SEMA6D: variants seen among roughly 807,000 people sequenced by gnomAD.
SEMA6D encodes the protein semaphorin 6D, also known as semaphorin-6D.
A neutral mutation model predicts 106.6 loss-of-function variants in SEMA6D; 35 were observed. That is an observed-to-expected ratio of 0.33 (90% CI 0.25 to 0.44). The LOEUF is 0.44. Among genes scored for constraint, SEMA6D ranks in the 20% least tolerant of loss-of-function variants. The pLI is 1.00. For synonymous variants in SEMA6D, 499 were observed against 487.7 expected (o/e 1.02, Z -0.31); for missense variants, 1,185 against 1,345.9 (o/e 0.88, Z 1.87).
intron 3 of SEMA6D, among the ~76,000 whole-genome samples, chr15:47,551,839 C>G (rs1217133577): frequency 1.3e-5 from 2 of 152,062 alleles, no homozygotes; most frequent in Non-Finnish European, 2.9e-5. Context: ...TGAAACCATA[C>G]AAATAAACAT....
intron 4 of SEMA6D, among the ~76,000 whole-genome samples, chr15:47,658,297 G>T (rs765974575): frequency 6.6e-6 from 1 of 152,012 alleles, no homozygotes; most frequent in Non-Finnish European, 1.5e-5. Flanking sequence ...AACTATTCTT[G>T]CTTTCCTGGG....
In SEMA6D at chr15:47,694,630, G is replaced by A. The variant is rs573554953; in HGVS notation, c.-54-65115G>A. Among the ~76,000 whole-genome samples, 6 of 152,120 alleles carry A rather than the reference G, an allele frequency of 3.9e-5. No individual in the cohort carries two copies. The East Asian group carries it at 1.2e-3, about 30-fold the overall frequency. On this transcript the variant is annotated intron_variant, in intron 4 of 19. Coordinates refer to the SEMA6D transcript ENST00000558014. ...AGGTTTACAGGCCTGTGGCTTAGCT[G>A]TGTATTCATTCACCTGATACAAATA...
chr15:47,302,735 A>T (rs892414900), intron 1 of SEMA6D, among the ~76,000 whole-genome samples: 1 of 152,220 alleles, frequency 6.6e-6, no homozygotes, highest in African/African-American at 2.4e-5. Context: ...GGCAATGAAC[A>T]AAGGGATGGG....
intron 3 of SEMA6D, among the ~76,000 whole-genome samples, chr15:47,541,042 T>C (rs977185018): frequency 1.3e-5 from 2 of 152,158 alleles, no homozygotes; most frequent in African/African-American, 2.4e-5. Flanking sequence ...GGAAGAATTT[T>C]AATGACATGA....
intron 3 of SEMA6D, among the ~76,000 whole-genome samples, chr15:47,565,803 A>G (rs1006770090): frequency 6.6e-6 from 1 of 152,240 alleles, no homozygotes; most frequent in Non-Finnish European, 1.5e-5. Context: ...TGTTTTATTC[A>G]GTGCAAAGCG....
chr15:47,555,894 A>G (rs780743171), intron 3 of SEMA6D, among the ~76,000 whole-genome samples: 1 of 152,156 alleles, frequency 6.6e-6, no homozygotes, highest in Non-Finnish European at 1.5e-5. Flanking sequence ...CCACAGAACC[A>G]TACCTATCAG....
intron 1 of SEMA6D, among the ~76,000 whole-genome samples, chr15:47,371,232 T>C (rs991334953): frequency 3.3e-5 from 5 of 152,236 alleles, no homozygotes. Context: ...TCCATTGTAA[T>C]GCTCATTCAT....
At chr15:47,675,953 G>A (rs1050577382) in intron 4 of SEMA6D, among the ~76,000 whole-genome samples, 1 of 148,532 alleles carries the variant, frequency 6.7e-6, no homozygotes, top group African/African-American at 2.5e-5. Flanking sequence ...AATGGGGAGG[G>A]GGGAGGGGGG....
intron 4 of SEMA6D, among the ~76,000 whole-genome samples, chr15:47,613,803 C>T (rs879688752): frequency 7.9e-5 from 12 of 152,006 alleles, no homozygotes; most frequent in Admixed American, 7.9e-4. Context: ...TACAGGCGCC[C>T]GCCACCACGC....
chr15:47,763,121 G>A lies in SEMA6D; in HGVS notation c.747+17G>A. 6.3e-7 allele frequency: 1 copy of A among 1,592,102 alleles called. No homozygotes were observed. ...TTAGGCAAGGCAAGTATATGCATTT[G>A]GCTTGAATTGTGGACTTGTACTGCA... On this transcript the variant is annotated intron_variant, in intron 9 of 18. Transcript: ENST00000536845.
chr15:47,286,988 C>T (rs1278845053), intron 1 of SEMA6D, among the ~76,000 whole-genome samples: 1 of 152,164 alleles, frequency 6.6e-6, no homozygotes, highest in Non-Finnish European at 1.5e-5. Flanking sequence ...ACATACATTT[C>T]TCCCCCTCTT....
At chr15:47,610,198 A>T (rs1017626628) in intron 4 of SEMA6D, among the ~76,000 whole-genome samples, 2 of 152,196 alleles carry the variant, frequency 1.3e-5, no homozygotes, top group Non-Finnish European at 2.9e-5. Context: ...ACGTTTCAGG[A>T]TACAGGCCGT....
At chr15:47,189,558 G>C (rs575890786) in intron 1 of SEMA6D, among the ~76,000 whole-genome samples, 5 of 152,276 alleles carry the variant, frequency 3.3e-5, no homozygotes, top group African/African-American at 9.6e-5. Context: ...GACCCAAGGA[G>C]GCATGGTTAG....
At chr15:47,524,320 T>C (rs1255419015) in intron 3 of SEMA6D, among the ~76,000 whole-genome samples, 2 of 152,170 alleles carry the variant, frequency 1.3e-5, no homozygotes, top group African/African-American at 4.8e-5. Context: ...TGCGGGAGAA[T>C]GAGCAGAAGC....
chr15:47,253,957 AATG>A (rs2033656529), intron 1 of SEMA6D, among the ~76,000 whole-genome samples: 1 of 152,064 alleles, frequency 6.6e-6, no homozygotes, highest in Non-Finnish European at 1.5e-5. Context: ...TGGACATTTT[AATG>A]ATATTAATTC....
chr15:47,744,942 T>G (rs574557843), intron 1 of SEMA6D, among the ~76,000 whole-genome samples: 1 of 152,308 alleles, frequency 6.6e-6, no homozygotes, highest in South Asian at 2.1e-4. Flanking sequence ...TTGTATAGAT[T>G]GGGAAACCGA....
chr15:47,185,080 C>A (rs2099510944), intron 1 of SEMA6D, among the ~76,000 whole-genome samples: 1 of 152,176 alleles, frequency 6.6e-6, no homozygotes, highest in Admixed American at 6.5e-5. Context: ...GGCGAGCAGG[C>A]GTTCTCTGGG....
intron 2 of SEMA6D, among the ~76,000 whole-genome samples, chr15:47,432,431 C>A (rs2041560938): frequency 6.6e-6 from 1 of 151,984 alleles, no homozygotes; most frequent in Non-Finnish European, 1.5e-5. Context: ...TTCTTTCTCT[C>A]CTTCTCTTCA....
In SEMA6D at chr15:47,683,980, A is replaced by T. The variant is rs1228466568; in HGVS notation, c.-54-75765A>T. 2.0e-5 allele frequency among the ~76,000 whole-genome samples: 3 copies of T among 152,354 alleles called. No homozygotes were observed. In the East Asian group the frequency reaches 5.8e-4, roughly 29 times the overall value. The stretch of plus-strand genomic sequence containing the variant: ...TGAAGATAGATAATAAAGAGGCAGG[A>T]TTCTTTAAAGGATGGATTATGTTTT... On this transcript the variant is annotated intron_variant, in intron 4 of 19. Coordinates refer to the SEMA6D transcript ENST00000558014.
Sources: gnomAD v4.1 joint callset for allele counts (sites outside exome capture counted in the v4.1 genomes callset) on GRCh38, gnomAD v4.1.1 for gene constraint, MANE v1.5 for transcripts, NCBI Gene and HGNC (gene_info 2026-07-23, HGNC 2026-07-21) for gene names.